The following TBC1D32 variants were observed in gnomAD, a reference collection of about 807,000 sequenced individuals.
TBC1D32 encodes TBC1 domain family member 32.
TBC1D32 carries 151 observed loss-of-function variants against 170.3 expected under a neutral mutation model. The observed-to-expected ratio is 0.89, with a 90% CI of 0.78 to 1.01. The LOEUF (loss-of-function observed/expected upper bound fraction) is 1.01. Ranked by LOEUF, TBC1D32 falls within the 50% of genes least tolerant of loss-of-function variation. The pLI is 0.00. For missense variants in TBC1D32, 1,464 were observed against 1,457.1 expected, an observed-to-expected ratio of 1.00 and a Z score of -0.08; for synonymous variants, 498 against 488.0, an observed-to-expected ratio of 1.02 and a Z score of -0.27.
At chr6:121,330,090 G>A (rs1268701755) in intron 1 of TBC1D32, among the ~76,000 whole-genome samples, 6 of 151,770 alleles carry the variant, frequency 4.0e-5, no homozygotes, top group Non-Finnish European at 5.9e-5. Flanking sequence ...ACAGGGTCTC[G>A]CTCTGTTACC....
intron 15 of TBC1D32, among the ~76,000 whole-genome samples, chr6:121,258,940 TC>T (rs1242395424): frequency 1.3e-5 from 2 of 151,456 alleles, no homozygotes; most frequent in African/African-American, 2.4e-5. Context: ...TTATGCCTTA[TC>T]TGTTTAACTT....
chr6:121,156,505 T>C (rs79712778), intron 24 of TBC1D32, among the ~76,000 whole-genome samples: 7,188 of 152,026 alleles, frequency 0.047, 586 homozygotes, highest in African/African-American at 0.16. Flanking sequence ...GATGTTTGTG[T>C]CACAATTTCA....
intron 20 of TBC1D32, among the ~76,000 whole-genome samples, chr6:121,235,831 C>T (rs570248851): frequency 2.0e-5 from 3 of 152,306 alleles, no homozygotes. Context: ...TGTAAGTCTC[C>T]ACACAATGTT....
chr6:121,246,585 C>T (rs1797646787), intron 17 of TBC1D32, among the ~76,000 whole-genome samples: 1 of 151,462 alleles, frequency 6.6e-6, no homozygotes, highest in Admixed American at 6.6e-5. Flanking sequence ...TATTAAGCTA[C>T]TCAAGGAGAT....
At chr6:121,279,400 G>GA (rs902889050) in intron 14 of TBC1D32, among the ~76,000 whole-genome samples, 155 bp from the exon 15 acceptor site, 1 of 151,860 alleles carries the variant, frequency 6.6e-6, no homozygotes, top group African/African-American at 2.4e-5. Context: ...TAATATGTCT[G>GA]AAAAAAATGT....
At chr6:121,110,302 TCAA>T (rs991997059) in intron 29 of TBC1D32, among the ~76,000 whole-genome samples, 1 of 150,378 alleles carries the variant, frequency 6.6e-6, no homozygotes, top group Non-Finnish European at 1.5e-5. Flanking sequence ...ATTTACACAC[TCAA>T]CATACATTTA....
intron 26 of TBC1D32, among the ~76,000 whole-genome samples, chr6:121,119,644 A>G (rs746861392): frequency 2.0e-5 from 3 of 152,154 alleles, no homozygotes; most frequent in Non-Finnish European, 4.4e-5. Flanking sequence ...AATTGAACCA[A>G]CAAAAAGGAA....
At chr6:121,137,827 A>T (rs911958142) in intron 24 of TBC1D32, among the ~76,000 whole-genome samples, 22 of 148,288 alleles carry the variant, frequency 1.5e-4, no homozygotes, top group Admixed American at 8.0e-4. Flanking sequence ...GAAAACATGC[A>T]ATCTACACAG....
intron 22 of TBC1D32, among the ~76,000 whole-genome samples, chr6:121,175,464 A>G (rs972190969): frequency 6.6e-6 from 1 of 152,240 alleles, no homozygotes; most frequent in African/African-American, 2.4e-5. Flanking sequence ...AATTTAATCC[A>G]GCAGTTAATT....
chr6:121,299,949 T>C (rs1806217721), intron 9 of TBC1D32, among the ~76,000 whole-genome samples: 1 of 152,196 alleles, frequency 6.6e-6, no homozygotes, highest in Non-Finnish European at 1.5e-5. Context: ...AGTACCCTAA[T>C]CATTTTCTGC....
chr6:121,260,347 A>G (rs1799594225), intron 15 of TBC1D32, among the ~76,000 whole-genome samples: 2 of 152,176 alleles, frequency 1.3e-5, no homozygotes, highest in South Asian at 4.1e-4. Flanking sequence ...TACACTCAAA[A>G]AAAAATGGGG....
At chr6:121,149,592 C>T (rs991455040) in intron 24 of TBC1D32, among the ~76,000 whole-genome samples, 1 of 151,990 alleles carries the variant, frequency 6.6e-6, no homozygotes, top group Non-Finnish European at 1.5e-5. Context: ...TTTCTGAGGC[C>T]TCTGTTCTGT....
chr6:121,091,827 C>A (rs1776835115), intron 30 of TBC1D32, among the ~76,000 whole-genome samples: 1 of 152,072 alleles, frequency 6.6e-6, no homozygotes, highest in Non-Finnish European at 1.5e-5. Context: ...AGGGTCTTTA[C>A]AGACGTAATC....
intron 24 of TBC1D32, among the ~76,000 whole-genome samples, chr6:121,137,399 T>C (rs1267702271): frequency 6.6e-6 from 1 of 150,938 alleles, no homozygotes. Context: ...ATGAGTAAGG[T>C]AGAGAAAGAA....
chr6:121,110,100 C>G (rs1178101659), intron 29 of TBC1D32, among the ~76,000 whole-genome samples: 1 of 151,362 alleles, frequency 6.6e-6, no homozygotes, highest in Non-Finnish European at 1.5e-5. Flanking sequence ...AAATACAAAA[C>G]ATTATCTGGG....
At chr6:121,329,683 A>T (rs903055175) in intron 1 of TBC1D32, among the ~76,000 whole-genome samples, 4 of 152,106 alleles carry the variant, frequency 2.6e-5, no homozygotes, top group Admixed American at 2.6e-4. Context: ...ATAAAAAAAT[A>T]AAAAGGCAAG....
intron 3 of TBC1D32, among the ~76,000 whole-genome samples, chr6:121,316,592 C>G (rs1808966570): frequency 6.6e-6 from 1 of 152,168 alleles, no homozygotes. Flanking sequence ...AAGTTCACTA[C>G]TCAGCATACT....
intron 24 of TBC1D32, 108 bp from the exon 25 acceptor site, chr6:121,131,860 G>GAA: frequency 2.7e-6 from 2 of 734,402 alleles, no homozygotes; most frequent in Non-Finnish European, 4.1e-6. Flanking sequence ...AATACATATG[G>GAA]CTTTCAAAGG....
intron 22 of TBC1D32, among the ~76,000 whole-genome samples, chr6:121,185,404 T>C (rs1789064197): frequency 6.6e-6 from 1 of 152,126 alleles, no homozygotes; most frequent in African/African-American, 2.4e-5. Flanking sequence ...CACTTGATGA[T>C]GGAGTGCTAT....
Sources: allele counts gnomAD v4.1 joint callset (sites outside exome capture counted in the v4.1 genomes callset), GRCh38; gene constraint gnomAD v4.1.1; transcripts MANE v1.5; gene names NCBI Gene and HGNC (gene_info 2026-07-23, HGNC 2026-07-21).